WDR70: variants seen among roughly 807,000 people sequenced by gnomAD.
WDR70 encodes WD repeat domain 70.
Under a neutral mutation model 88.6 loss-of-function variants are expected in WDR70, and 53 were observed. That is an observed-to-expected ratio of 0.60 (90% CI 0.48 to 0.75). WDR70 has a LOEUF of 0.75. Ranked by LOEUF, WDR70 falls within the 30% of genes least tolerant of loss-of-function variation. The pLI, the probability that WDR70 is intolerant of heterozygous loss-of-function variation, is 0.00. For synonymous variants in WDR70, 280 were observed against 270.0 expected, an observed-to-expected ratio of 1.04 and a Z score of -0.36; for missense variants, 610 against 823.2, an observed-to-expected ratio of 0.74 and a Z score of 3.17.
intron 5 of WDR70, among the ~76,000 whole-genome samples, chr5:37,419,446 C>T (rs1025725678): frequency 6.6e-5 from 10 of 150,468 alleles, no homozygotes; most frequent in African/African-American, 2.4e-4. Context: ...CCTGGTGATC[C>T]ACCTGCCTCA....
intron 10 of WDR70, among the ~76,000 whole-genome samples, chr5:37,675,332 G>T (rs1285114227): frequency 6.6e-6 from 1 of 152,122 alleles, no homozygotes; most frequent in African/African-American, 2.4e-5. Flanking sequence ...GAATGGTAAT[G>T]CCTAGGTTTT....
intron 10 of WDR70, among the ~76,000 whole-genome samples, chr5:37,623,815 C>G (rs924106270): frequency 1.3e-5 from 2 of 152,074 alleles, no homozygotes; most frequent in African/African-American, 4.8e-5. Context: ...GTCCCTGGTA[C>G]TTTGTTGAAG....
chr5:37,483,247 C>G (rs372369337), intron 8 of WDR70, among the ~76,000 whole-genome samples: 26 of 151,476 alleles, frequency 1.7e-4, no homozygotes, highest in Non-Finnish European at 3.2e-4. Flanking sequence ...GAGGACCCTG[C>G]GGCCTTCCGC....
chr5:37,637,340 T>A (rs201951099), intron 10 of WDR70, among the ~76,000 whole-genome samples: 19 of 26,416 alleles, frequency 7.2e-4, no homozygotes, highest in African/African-American at 3.0e-3. Context: ...ATAAATAAAT[T>A]AAATAAATAA....
At chr5:37,449,976 T>G (rs1738626783) in intron 7 of WDR70, among the ~76,000 whole-genome samples, 1 of 152,156 alleles carries the variant, frequency 6.6e-6, no homozygotes, top group Non-Finnish European at 1.5e-5. Flanking sequence ...CAGCTCCCAC[T>G]TATGAGTGAG....
At chr5:37,472,694 T>C (rs935788448) in intron 7 of WDR70, among the ~76,000 whole-genome samples, 2 of 151,974 alleles carry the variant, frequency 1.3e-5, no homozygotes, top group Admixed American at 1.3e-4. Flanking sequence ...AGATGGGGTT[T>C]TGCCATTTTG....
intron 9 of WDR70, among the ~76,000 whole-genome samples, chr5:37,585,909 A>G (rs1743351495): frequency 6.6e-6 from 1 of 151,958 alleles, no homozygotes; most frequent in African/African-American, 2.4e-5. Context: ...GTACTAGCCT[A>G]TTTCTGTCAT....
At chr5:37,686,951 A>AAATAATAATAATAATAATAATAAT (rs70978838) in intron 10 of WDR70, among the ~76,000 whole-genome samples, 2 of 143,082 alleles carry the variant, frequency 1.4e-5, no homozygotes, top group African/African-American at 5.2e-5. Context: ...CTCTGTCTCA[A>AAATAATAATAATAATAATAATAAT]AATAATAATA....
At chr5:37,479,801 T>A in intron 7 of WDR70, 33 bp from the exon 8 acceptor site, 1 of 1,591,622 alleles carries the variant, frequency 6.3e-7, no homozygotes, top group Non-Finnish European at 8.5e-7. Flanking sequence ...TTGTGCTTAG[T>A]ATCTTACCAA....
At position 37,415,995 on chromosome 5, in the gene WDR70, C is replaced by T. The variant is rs553525759; in HGVS notation, c.492+19425C>T. ...GCTTCTCACTTCCTGGATGGGATGG[C>T]GGCCTGGCAGAGACGCTCCTCACTT... On this transcript the variant is annotated intron_variant, in intron 5 of 17. Transcript: ENST00000265107. Among the ~76,000 whole-genome samples the T allele has an allele frequency of 9.0e-3, 1,369 of 151,356 alleles. 24 individuals carry two copies. Among genetic ancestry groups the T allele is most frequent in the African/African-American group, 0.031 (1,293 of 41,158 alleles).
rs571845869 is a variant in WDR70 at position 37,681,529 on chromosome 5, A to G, written c.1093-16126A>G. On this transcript the variant is annotated intron_variant, in intron 10 of 17. Coordinates refer to ENST00000265107, the MANE Select transcript of WDR70 (RefSeq NM_018034.4). ...TTCTGGTTTCAAGATCAATGCATCC[A>G]GTTTTCACCCATTCATTATGATGTT... 2.0e-5 allele frequency among the ~76,000 whole-genome samples: 3 copies of G among 152,250 alleles called. No homozygotes were observed. The South Asian group carries it at 6.2e-4, about 32-fold the overall frequency.
At chr5:37,555,839 G>A (rs1207926699) in intron 9 of WDR70, among the ~76,000 whole-genome samples, 3 of 151,938 alleles carry the variant, frequency 2.0e-5, no homozygotes, top group Non-Finnish European at 2.9e-5. Flanking sequence ...CTGCCTCAGC[G>A]TCCCGAGTAG....
intron 10 of WDR70, among the ~76,000 whole-genome samples, chr5:37,638,845 T>G (rs1745037386): frequency 6.6e-6 from 1 of 152,214 alleles, no homozygotes; most frequent in Non-Finnish European, 1.5e-5. Context: ...CACCTCAGAC[T>G]TCAGAAGGAG....
At chr5:37,611,099 C>T (rs539174438) in intron 10 of WDR70, among the ~76,000 whole-genome samples, 2 of 152,164 alleles carry the variant, frequency 1.3e-5, no homozygotes, top group East Asian at 1.9e-4. Context: ...CACTTCTCAC[C>T]GTTGGACACC....
At chr5:37,633,734 A>G (rs1270703423) in intron 10 of WDR70, among the ~76,000 whole-genome samples, 2 of 152,154 alleles carry the variant, frequency 1.3e-5, no homozygotes, top group Non-Finnish European at 2.9e-5. Context: ...AAAATACATG[A>G]TAGGCATTAT....
At chr5:37,578,585 G>T (rs948088273) in intron 9 of WDR70, among the ~76,000 whole-genome samples, 1 of 152,106 alleles carries the variant, frequency 6.6e-6, no homozygotes, top group Admixed American at 6.5e-5. Flanking sequence ...AAGCAAATTT[G>T]TGTCATTTTT....
intron 8 of WDR70, among the ~76,000 whole-genome samples, chr5:37,497,169 C>G (rs1561875579): frequency 6.7e-6 from 1 of 149,092 alleles, no homozygotes; most frequent in African/African-American, 2.5e-5. Flanking sequence ...CTCCCTCCCT[C>G]CTTCCCTCCC....
intron 9 of WDR70, among the ~76,000 whole-genome samples, chr5:37,563,884 T>C (rs1372976195): frequency 1.7e-5 from 2 of 120,252 alleles, no homozygotes; most frequent in Non-Finnish European, 3.8e-5. Flanking sequence ...TCCTCACTTC[T>C]CAGACGGGGC....
At chr5:37,444,171 A>C (rs536845819) in intron 7 of WDR70, among the ~76,000 whole-genome samples, 45 of 152,034 alleles carry the variant, frequency 3.0e-4, no homozygotes, top group Non-Finnish European at 4.7e-4. Context: ...TTAAAAAAAA[A>C]ACAAAACTTT....
Sources: allele counts gnomAD v4.1 joint callset (sites outside exome capture counted in the v4.1 genomes callset), GRCh38; gene constraint gnomAD v4.1.1; transcripts MANE v1.5; gene names NCBI Gene and HGNC (gene_info 2026-07-23, HGNC 2026-07-21).